Variants in COL1A1 observed in about 807,000 individuals in gnomAD.
COL1A1 encodes collagen type I alpha 1 chain.
In COL1A1, 21 loss-of-function variants were observed where a neutral mutation model predicts 195.7. The observed-to-expected ratio is 0.11, with a 90% CI of 0.08 to 0.15. COL1A1 has a LOEUF of 0.15. COL1A1 is among the 10% of genes least tolerant of loss of function. The probability of loss-of-function intolerance (pLI) is 1.00; values close to 1 mark genes in which losing one functional copy is unlikely to be tolerated. For missense variants in COL1A1, 1,365 were observed against 2,051.0 expected (o/e 0.67, Z 6.46); for synonymous variants, 749 against 747.3 (o/e 1.00, Z -0.04).
In COL1A1 at chr17:50,196,167, A is replaced by C; in HGVS notation, c.990T>G (p.Ala330=). The C allele has an allele frequency of 6.2e-7, 1 of 1,614,072 alleles. No individual in the cohort carries two copies. Among genetic ancestry groups the C allele is most frequent in the Non-Finnish European group, 8.5e-7 (1 of 1,179,988 alleles). The change falls in exon 15 of 51, where the codon GCT becomes GCG. Residue 330 remains alanine (A), a synonymous_variant. Transcript: ENST00000225964. ...AGGCCACACTCACAGGGGGCCCGGC[A>C]GCACCAGTAGCACCATCATTTCCAC... The part of the protein sequence containing the change: ...GARGNDGATG[A]AGPPGPTGPA...
intron 32 of COL1A1, 112 bp downstream of exon 32, chr17:50,191,271 G>T: frequency 9.6e-7 from 1 of 1,045,912 alleles, no homozygotes; most frequent in African/African-American, 1.6e-5. Context: ...AAGAAGGGAG[G>T]ATTAGCGAGA....
intron 13 of COL1A1, 36 bp from the exon 14 acceptor site, chr17:50,196,403 G>A (rs1344295596): frequency 1.9e-6 from 3 of 1,614,064 alleles, no homozygotes; most frequent in Non-Finnish European, 2.5e-6. Flanking sequence ...GATGAGATGG[G>A]AGACAGCCTT....
chr17:50,193,787 T>A, intron 25 of COL1A1, 156 bp downstream of exon 25: 1 of 748,538 alleles, frequency 1.3e-6, no homozygotes, highest in Non-Finnish European at 2.4e-6. Context: ...CGCCGAGAAG[T>A]CTTTCATTTT....
At position 50,199,733 on chromosome 17, in the gene COL1A1, G is replaced by A. The variant is rs1369557554; in HGVS notation, c.298+20C>T. 1.9e-6 allele frequency: 2 copies of A among 1,025,762 alleles called. No individual in the cohort carries two copies. Among genetic ancestry groups the A allele is most frequent in the South Asian group, 3.6e-5 (2 of 55,176 alleles). 63.5% of individuals were successfully genotyped at this position (1,025,762 alleles called of 1,614,324 possible). Reference sequence around the variant, plus strand: ...CCCAGGCCCCAGGCCCCAGGCCCCAGGCCCCGAGCGCAGCCGCACCTGAGC... The same window carrying A: ...CCCAGGCCCCAGGCCCCAGGCCCCAAGCCCCGAGCGCAGCCGCACCTGAGC... On this transcript the variant is annotated intron_variant, in intron 2 of 50. Coordinates refer to ENST00000225964, the MANE Select transcript of COL1A1 (RefSeq NM_000088.4).
In COL1A1 at chr17:50,192,811, G is replaced by T. The variant is rs764186905; in HGVS notation, c.1861C>A (p.Pro621Thr). ...GKDGEAGAQG[P>T]PGPAGPAGER... Reference sequence around the variant, plus strand: ...GGGACACTCACAGCAGGGCCAGGGGGTCCCTGAGCTCCAGCCTCTCCATCT... The same window carrying T: ...GGGACACTCACAGCAGGGCCAGGGGTTCCCTGAGCTCCAGCCTCTCCATCT... The change falls in exon 27 of 51, where the codon CCC becomes ACC. Residue 621 changes from proline (P) to threonine (T), a missense_variant. By Grantham distance (38) the Pro-to-Thr change is conservative (BLOSUM62 -1). This residue lies in a region of COL1A1 where 671 missense variants were observed against 1,099.9 expected (regional missense o/e 0.61). Transcript: ENST00000225964. 3.9e-5 allele frequency: 63 copies of T among 1,614,070 alleles called. 1 individual carries two copies. The highest frequency in any genetic ancestry group is 3.3e-4 in the Middle Eastern group (2 of 6,060).
At position 50,190,694 on chromosome 17, in the gene COL1A1, G is replaced by T; in HGVS notation, c.2344-98C>A. The T allele has an allele frequency of 6.6e-7, 1 of 1,515,190 alleles. No homozygotes were observed. The highest frequency in any genetic ancestry group is 9.1e-7 in the Non-Finnish European group (1 of 1,096,216). The allele number at this position is 1,515,190 out of a possible 1,614,324, so 93.9% of individuals were successfully genotyped here. On this transcript the variant is annotated intron_variant, in intron 33 of 50. Coordinates refer to ENST00000225964, the MANE Select transcript of COL1A1 (RefSeq NM_000088.4). The surrounding 1 kb of genome is among the most constrained non-coding windows in gnomAD (Gnocchi z 4.7). ...CCTCCCCTCCTTCTGGTCCCTCCAG[G>T]TTCCCAGGTTGACAGCTCAGTTTGG...
At position 50,187,005 on chromosome 17, in the gene COL1A1, G is replaced by A. The variant is rs41316721; in HGVS notation, c.3531+10C>T. On this transcript the variant is annotated intron_variant, in intron 47 of 50. Coordinates refer to ENST00000225964, the MANE Select transcript of COL1A1 (RefSeq NM_000088.4). ...AGGGCCATGAGCAGAGGGGATGAGGGGCTACATACAACAGGACCAGCATCA... is the reference window on the plus strand; with the variant it reads ...AGGGCCATGAGCAGAGGGGATGAGGAGCTACATACAACAGGACCAGCATCA... The A allele has an allele frequency of 6.2e-7, 1 of 1,612,602 alleles. No homozygotes were observed. The highest frequency in any genetic ancestry group is 1.3e-5 in the African/African-American group (1 of 74,882).
In COL1A1 at chr17:50,188,448, G is replaced by A. The variant is rs1480530131; in HGVS notation, c.3207+82C>T. ...TCCTCCCCCTGCCTGGGTGAAGTCCGACACCCATCCCCAGGCCTCTAAGGA... is the reference window on the plus strand; with the variant it reads ...TCCTCCCCCTGCCTGGGTGAAGTCCAACACCCATCCCCAGGCCTCTAAGGA... On this transcript the variant is annotated intron_variant, in intron 43 of 50. Coordinates refer to ENST00000225964, the MANE Select transcript of COL1A1 (RefSeq NM_000088.4). This position sits in a 1 kb window ranked among gnomAD's most constrained non-coding sequence, Gnocchi z 5.6. 75 of 1,350,172 alleles carry A rather than the reference G, an allele frequency of 5.6e-5. No individual in the cohort carries two copies. Among genetic ancestry groups the A allele is most frequent in the South Asian group, 4.7e-4 (40 of 85,446 alleles). 83.6% of individuals were successfully genotyped at this position (1,350,172 alleles called of 1,614,324 possible).
In COL1A1 at chr17:50,190,338, C is replaced by A; in HGVS notation, c.2440G>T (p.Ala814Ser). 1 of 1,607,674 alleles carries A rather than the reference C, an allele frequency of 6.2e-7. No homozygotes were observed. Among genetic ancestry groups the A allele is most frequent in the Non-Finnish European group, 8.5e-7 (1 of 1,174,538 alleles). The change falls in exon 35 of 51, where the codon GCT (alanine) becomes TCT (serine). Residue 814 changes from alanine (A) to serine (S), a missense_variant. Physicochemically the swap from Ala to Ser is moderately conservative, Grantham distance 99. This residue lies in a region of COL1A1 where 671 missense variants were observed against 1,099.9 expected (regional missense o/e 0.61). Coordinates refer to ENST00000225964, the MANE Select transcript of COL1A1 (RefSeq NM_000088.4). This position sits in a 1 kb window ranked among gnomAD's most constrained non-coding sequence, Gnocchi z 4.7. ...GTCTTGGTACTCACAGGGGGGCCAG[C>A]AAAGCCAGCAGGGCCGGGGGGACCA... ...EPGPPGPAGFAGPPGADGQPG... is the reference protein window; with the variant it reads ...EPGPPGPAGFSGPPGADGQPG...
chr17:50,197,352 A>C (rs1385425478), intron 9 of COL1A1, 119 bp from the exon 10 acceptor site: 1 of 987,220 alleles, frequency 1.0e-6, no homozygotes, highest in Non-Finnish European at 1.6e-6. Flanking sequence ...GGGGGCCCAG[A>C]ATCTTATCTT....
At chr17:50,191,920 T>C (rs1304424382) in intron 30 of COL1A1, 34 bp from the exon 31 acceptor site, 2 of 1,606,952 alleles carry the variant, frequency 1.2e-6, no homozygotes, top group African/African-American at 2.7e-5. Flanking sequence ...TGAAGGCTGC[T>C]CTGGAGATAG....
rs755977431 is a variant in COL1A1, at chr17:50,194,308, T to C, written c.1614+41A>G. On this transcript the variant is annotated intron_variant, in intron 23 of 50. Transcript: ENST00000225964. The surrounding 1 kb of genome is among the most constrained non-coding windows in gnomAD (Gnocchi z 6.8). ...TCATCCCAGACCCTACACGGGATGGTCAGGGCCTGGCCAAGCCAGGCTGAA... is the reference window on the plus strand; with the variant it reads ...TCATCCCAGACCCTACACGGGATGGCCAGGGCCTGGCCAAGCCAGGCTGAA... 22 of 1,610,024 alleles carry C rather than the reference T, an allele frequency of 1.4e-5. No individual in the cohort carries two copies. The highest frequency in any genetic ancestry group is 1.8e-5 in the Non-Finnish European group (21 of 1,176,724).
In COL1A1 at chr17:50,189,428, A is replaced by C; in HGVS notation, c.2778T>G (p.Gly926=). 6.2e-7 allele frequency: 1 copy of C among 1,613,630 alleles called. No individual in the cohort carries two copies. The highest frequency in any genetic ancestry group is 1.6e-4 in the Middle Eastern group (1 of 6,062). The change falls in exon 39 of 51, where the codon GGT becomes GGG. Residue 926 remains glycine, a synonymous_variant. Transcript: ENST00000225964. The surrounding 1 kb of genome is among the most constrained non-coding windows in gnomAD (Gnocchi z 5.5). The stretch of plus-strand genomic sequence containing the variant: ...CTTTCTCGCCAGCAGGGCCAGGGGG[A>C]CCAGGGGGACCAACTTCACCAGGAC... ...AGRPGEVGPP[G]PPGPAGEKGS...
Position 50,192,469 on chromosome 17 carries a change from T to C in COL1A1, c.1983+6A>G. The stretch of plus-strand genomic sequence containing the variant: ...CCCACCCCTCTGGCCGGCTGCTCCC[T>C]CTTACCTGTTCACCAGGTTTGCCTG... On this transcript the variant is annotated splice_donor_region_variant and intron_variant, in intron 29 of 50. Coordinates refer to ENST00000225964, the MANE Select transcript of COL1A1 (RefSeq NM_000088.4). 6.2e-7 allele frequency: 1 copy of C among 1,607,908 alleles called. No individual in the cohort carries two copies. The highest frequency in any genetic ancestry group is 1.1e-5 in the South Asian group (1 of 90,382).
chr17:50,186,577 T>G lies in COL1A1; in HGVS notation c.3814+63A>C, dbSNP rs1906544994. 1 of 1,613,560 alleles carries G rather than the reference T, an allele frequency of 6.2e-7. No individual in the cohort carries two copies. On this transcript the variant is annotated intron_variant, in intron 48 of 50. Transcript: ENST00000225964. The surrounding 1 kb of genome is among the most constrained non-coding windows in gnomAD (Gnocchi z 5.3). ...CAGCACCATATGGTAGGGGCACATA[T>G]GGGCATGGGGACCCTGGCATGGCAG... is the stretch of plus-strand genomic sequence containing the variant.
chr17:50,185,744 G>A (rs1306768734), intron 50 of COL1A1, 34 bp downstream of exon 50: 2 of 1,612,662 alleles, frequency 1.2e-6, no homozygotes, highest in Non-Finnish European at 1.7e-6. Context: ...AGGCCGGAGA[G>A]GTGGGGCCCT....
At position 50,194,342 on chromosome 17, in the gene COL1A1, G is replaced by T; in HGVS notation, c.1614+7C>A. On this transcript the variant is annotated splice_region_variant and intron_variant, in intron 23 of 50. Coordinates refer to ENST00000225964, the MANE Select transcript of COL1A1 (RefSeq NM_000088.4). The surrounding 1 kb of genome is among the most constrained non-coding windows in gnomAD (Gnocchi z 6.8). ...GGCCAAGCCAGGCTGAAAGCCTGGG[G>T]CCTCACCTTGGCACCAGGCAGACCA... 1.9e-6 allele frequency: 3 copies of T among 1,614,040 alleles called. No homozygotes were observed. Among genetic ancestry groups the T allele is most frequent in the Non-Finnish European group, 2.5e-6 (3 of 1,179,968 alleles).
Position 50,190,401 on chromosome 17 carries a change from T to C in COL1A1, c.2398-21A>G, listed in dbSNP as rs1178595741. 4.4e-6 allele frequency: 7 copies of C among 1,606,910 alleles called. No homozygotes were observed. Among genetic ancestry groups the C allele is most frequent in the Admixed American group, 3.3e-5 (2 of 59,886 alleles). On this transcript the variant is annotated intron_variant, in intron 34 of 50. Transcript: ENST00000225964. The surrounding 1 kb of genome is among the most constrained non-coding windows in gnomAD (Gnocchi z 4.7). ...TCTCCCTAGAAGAAAAGGAGTCAGA[T>C]TGGAGAGATGCGCTGACAGGAGGGA... is the stretch of plus-strand genomic sequence containing the variant.
Position 50,199,876 on chromosome 17 carries a change from G to C in COL1A1, c.175C>G (p.Arg59Gly). ...DRDVWKPEPC[R>G]ICVCDNGKVL... The stretch of plus-strand genomic sequence containing the variant: ...TTGCCGTTGTCGCAGACGCAGATCC[G>C]GCAGGGCTCGGGTTTCCACACGTCT... Residue 59 changes from arginine to glycine, a missense_variant, in exon 2 of 51, where the codon CGG becomes GGG. Transcript: ENST00000225964. The C allele has an allele frequency of 6.2e-7, 1 of 1,614,216 alleles. No individual in the cohort carries two copies. The highest frequency in any genetic ancestry group is 8.5e-7 in the Non-Finnish European group (1 of 1,180,038).
Sources: allele counts gnomAD v4.1 joint callset, GRCh38; gene constraint gnomAD v4.1.1; regional missense constraint gnomAD v4.1.1; non-coding constraint Gnocchi (gnomAD v3.1); transcripts MANE v1.5; gene names NCBI Gene and HGNC (gene_info 2026-07-23, HGNC 2026-07-21).